AUTS2: variants seen among roughly 807,000 people sequenced by gnomAD.
AUTS2 encodes autism susceptibility gene 2 protein.
AUTS2 carries 17 observed loss-of-function variants against 112.4 expected under a neutral mutation model. The observed-to-expected ratio is 0.15, with a 90% CI of 0.10 to 0.23. The LOEUF is 0.23. Ranked by LOEUF, AUTS2 falls within the 10% of genes least tolerant of loss-of-function variation. The pLI is 1.00. For missense variants in AUTS2, 1,510 were observed against 1,701.6 expected, an observed-to-expected ratio of 0.89 and a Z score of 1.98; for synonymous variants, 751 against 702.7, an observed-to-expected ratio of 1.07 and a Z score of -1.09.
At chr7:70,509,088 A>G (rs1799082822) in intron 5 of AUTS2, among the ~76,000 whole-genome samples, 1 of 152,358 alleles carries the variant, frequency 6.6e-6, no homozygotes, top group East Asian at 1.9e-4. Flanking sequence ...AACCACAGAA[A>G]GGAATTTTCC....
At chr7:70,739,286 C>G (rs1787961936) in intron 6 of AUTS2, among the ~76,000 whole-genome samples, 3 of 151,398 alleles carry the variant, frequency 2.0e-5, no homozygotes, top group Admixed American at 2.0e-4. Flanking sequence ...CCTCGGTCTC[C>G]CGAGTAGCTT....
Position 70,792,615 on chromosome 7 carries a change from G to GT in AUTS2, c.*1634dup, listed in dbSNP as rs758688012. 0.024 allele frequency: 3,055 copies of GT among 129,516 alleles called. 30 individuals are homozygous for GT. The highest frequency in any genetic ancestry group is 0.034 in the South Asian group (135 of 3,944). The allele number at this position is 129,516 out of a possible 1,614,324, so 8.0% of individuals were successfully genotyped here. A position where few individuals can be genotyped will look rare whatever the true frequency, so the allele number is the denominator to read the frequency against. Reference sequence around the variant, plus strand: ...TTGTGAACTCCAGATGTTGTGCGGTGTTTTTTTTTTTTTTTAAGACAACAA... The same window carrying GT: ...TTGTGAACTCCAGATGTTGTGCGGTGTTTTTTTTTTTTTTTTAAGACAACAA... On this transcript the variant is annotated 3_prime_UTR_variant, in exon 19 of 19. Coordinates refer to ENST00000342771, the MANE Select transcript of AUTS2 (RefSeq NM_015570.4).
chr7:70,280,716 T>A (rs952749289), intron 4 of AUTS2, among the ~76,000 whole-genome samples: 1 of 151,956 alleles, frequency 6.6e-6, no homozygotes, highest in Non-Finnish European at 1.5e-5. Flanking sequence ...AAACACTCCG[T>A]CCCCAACCCC....
chr7:70,358,950 G>T (rs913630348), intron 4 of AUTS2, among the ~76,000 whole-genome samples: 1 of 152,260 alleles, frequency 6.6e-6, no homozygotes, highest in Non-Finnish European at 1.5e-5. Flanking sequence ...TGAAGGCTTA[G>T]TCTTTAGATT....
intron 2 of AUTS2, among the ~76,000 whole-genome samples, chr7:70,021,362 G>A (rs1800266135): frequency 6.6e-6 from 1 of 152,188 alleles, no homozygotes. Context: ...ATCAGAATTA[G>A]TCTGCCGGTA....
rs117407408 is a variant in AUTS2, at chr7:69,786,124, T to C, written c.310-113162T>C. Among the ~76,000 whole-genome samples, 1,164 of 152,306 alleles carry C rather than the reference T, an allele frequency of 7.6e-3. 14 individuals are homozygous for C. The highest frequency in any genetic ancestry group is 0.053 in the East Asian group (274 of 5,176). On this transcript the variant is annotated intron_variant, in intron 1 of 18. Transcript: ENST00000342771. ...GTTGAGTGGGGACTTGCAAAACTTT[T>C]CTGTCTAGCTAGAGGATTGCAAATG... is the stretch of plus-strand genomic sequence containing the variant.
In AUTS2 at chr7:70,265,616, G is replaced by C. The variant is rs555945223; in HGVS notation, c.660+131045G>C. The stretch of plus-strand genomic sequence containing the variant: ...CTTTGCAATCTATAGTAGGACTGTT[G>C]AGGAGAATGTATAAACTGCAGGTTA... On this transcript the variant is annotated intron_variant, in intron 4 of 18. Coordinates refer to ENST00000342771, the MANE Select transcript of AUTS2 (RefSeq NM_015570.4). Among the ~76,000 whole-genome samples, 12 of 152,244 alleles carry C rather than the reference G, an allele frequency of 7.9e-5. No individual in the cohort carries two copies. The South Asian group carries it at 2.5e-3, about 32-fold the overall frequency.
chr7:70,030,798 C>T (rs867602384), intron 2 of AUTS2, among the ~76,000 whole-genome samples: 2 of 152,094 alleles, frequency 1.3e-5, no homozygotes, highest in African/African-American at 4.8e-5. Flanking sequence ...TTTGACAGCC[C>T]TTTGGCTTTC....
At chr7:70,021,652 A>G (rs1360594053) in intron 2 of AUTS2, among the ~76,000 whole-genome samples, 1 of 152,200 alleles carries the variant, frequency 6.6e-6, no homozygotes, top group Non-Finnish European at 1.5e-5. Flanking sequence ...TAAGGCTGTG[A>G]TGCCCAGCAC....
intron 5 of AUTS2, among the ~76,000 whole-genome samples, chr7:70,692,807 T>G (rs554466902): frequency 2.7e-5 from 4 of 149,174 alleles, no homozygotes; most frequent in Non-Finnish European, 4.4e-5. Context: ...AAGAGTGCCA[T>G]GAAATCAAAT....
At chr7:70,090,330 A>C (rs183810956) in intron 2 of AUTS2, among the ~76,000 whole-genome samples, 17 of 152,128 alleles carry the variant, frequency 1.1e-4, no homozygotes, top group Admixed American at 1.1e-3. Context: ...ATATTTAATT[A>C]GTTAATTGTT....
At position 69,801,786 on chromosome 7, in the gene AUTS2, A is replaced by T. The variant is rs372370818; in HGVS notation, c.310-97500A>T. The stretch of plus-strand genomic sequence containing the variant: ...ACAACAATCTCTCTGACTCAATGGA[A>T]CATGCATTTTAGTGGAAGGGAATGT... On this transcript the variant is annotated intron_variant, in intron 1 of 18. Coordinates refer to ENST00000342771, the MANE Select transcript of AUTS2 (RefSeq NM_015570.4). Among the ~76,000 whole-genome samples, 20 of 152,324 alleles carry T rather than the reference A, an allele frequency of 1.3e-4. No individual in the cohort carries two copies. In the East Asian group the frequency reaches 3.9e-3, roughly 29 times the overall value.
chr7:69,789,714 G>A (rs1395298506), intron 1 of AUTS2, among the ~76,000 whole-genome samples: 1 of 152,018 alleles, frequency 6.6e-6, no homozygotes, highest in Admixed American at 6.6e-5. Flanking sequence ...TTCAGAGTAC[G>A]TTAAGATTCC....
chr7:70,144,620 A>G (rs1478707841), intron 4 of AUTS2, among the ~76,000 whole-genome samples: 1 of 152,110 alleles, frequency 6.6e-6, no homozygotes, highest in Non-Finnish European at 1.5e-5. Flanking sequence ...TTGGTTTTAC[A>G]TAGGTCCAGA....
Position 69,821,439 on chromosome 7 carries a change from A to G in AUTS2, c.310-77847A>G, listed in dbSNP as rs114955376. On this transcript the variant is annotated intron_variant, in intron 1 of 18. Transcript: ENST00000342771. ...AGTCAGTGCTCTGTAAAATGGACCAATGAGCAGGACGTGGGCAGGGACAAA... is the reference window on the plus strand; with the variant it reads ...AGTCAGTGCTCTGTAAAATGGACCAGTGAGCAGGACGTGGGCAGGGACAAA... Among the ~76,000 whole-genome samples the G allele has an allele frequency of 3.1e-3, 468 of 152,278 alleles. 5 individuals are homozygous for G. Among genetic ancestry groups the G allele is most frequent in the African/African-American group, 0.01 (430 of 41,566 alleles).
chr7:69,961,048 C>T lies in AUTS2; in HGVS notation c.522+61550C>T, dbSNP rs187085883. ...GTGTATGTATGTGTATCATTCCTTC[C>T]GGTGTACCTTGTGGAGAATGGTTTG... On this transcript the variant is annotated intron_variant, in intron 2 of 18. Coordinates refer to ENST00000342771, the MANE Select transcript of AUTS2 (RefSeq NM_015570.4). Among the ~76,000 whole-genome samples, 702 of 152,152 alleles carry T rather than the reference C, an allele frequency of 4.6e-3. 5 individuals carry two copies. The highest frequency in any genetic ancestry group is 0.011 in the South Asian group (53 of 4,818).
intron 1 of AUTS2, among the ~76,000 whole-genome samples, chr7:69,718,485 T>G (rs527421076): frequency 5.9e-5 from 9 of 152,292 alleles, no homozygotes; most frequent in African/African-American, 2.2e-4. Flanking sequence ...CCCTTCATCT[T>G]CAAAGCCAGC....
chr7:70,162,470 A>C (rs1421634244), intron 4 of AUTS2, among the ~76,000 whole-genome samples: 1 of 146,514 alleles, frequency 6.8e-6, no homozygotes, highest in Non-Finnish European at 1.5e-5. Flanking sequence ...AAAAAAAAAA[A>C]AAAAAAAAAA....
chr7:69,797,792 T>C (rs1008287787), intron 1 of AUTS2, among the ~76,000 whole-genome samples: 1 of 152,018 alleles, frequency 6.6e-6, no homozygotes, highest in Admixed American at 6.6e-5. Flanking sequence ...TCCCAAAACA[T>C]TTTTTTTCCT....
Sources: gnomAD v4.1 joint callset for allele counts (sites outside exome capture counted in the v4.1 genomes callset) on GRCh38, gnomAD v4.1.1 for gene constraint, MANE v1.5 for transcripts, NCBI Gene and HGNC (gene_info 2026-07-23, HGNC 2026-07-21) for gene names.